GRID2: variants seen among roughly 807,000 people sequenced by gnomAD.
The protein encoded by GRID2 is glutamate receptor ionotropic, delta-2.
Under a neutral mutation model 114.8 loss-of-function variants are expected in GRID2, and 33 were observed. The ratio of observed to expected loss-of-function variants is 0.29; its 90% CI spans 0.22 to 0.38. The LOEUF (loss-of-function observed/expected upper bound fraction) is 0.38. Among genes scored for constraint, GRID2 ranks in the 10% least tolerant of loss-of-function variants. GRID2 has a pLI of 1.00. For synonymous variants in GRID2, 505 were observed against 449.9 expected (o/e 1.12, Z -1.55); for missense variants, 1,184 against 1,257.7 (o/e 0.94, Z 0.89).
chr4:92,598,312 G>A (rs6858435), intron 2 of GRID2, among the ~76,000 whole-genome samples: 6,576 of 152,122 alleles, frequency 0.043, 432 homozygotes, highest in African/African-American at 0.15. Context: ...CTGCCCTGTC[G>A]TCTTACATGG....
intron 14 of GRID2, among the ~76,000 whole-genome samples, chr4:93,736,861 C>CA (rs11437016): frequency 0.15 from 18,348 of 122,166 alleles, 1,290 homozygotes; most frequent in Middle Eastern, 0.21. Flanking sequence ...CAGACTTGCT[C>CA]AAAAAAAAAA....
intron 1 of GRID2, among the ~76,000 whole-genome samples, chr4:92,332,981 T>C (rs1384437897): frequency 6.6e-6 from 1 of 152,194 alleles, no homozygotes; most frequent in Non-Finnish European, 1.5e-5. Flanking sequence ...TCTACTTGGC[T>C]GGAATTGTAC....
chr4:92,998,780 T>C (rs1755359083), intron 2 of GRID2, among the ~76,000 whole-genome samples: 1 of 151,798 alleles, frequency 6.6e-6, no homozygotes, highest in South Asian at 2.1e-4. Flanking sequence ...AAGCTCACTT[T>C]TTAAAAATTT....
intron 2 of GRID2, among the ~76,000 whole-genome samples, chr4:92,831,416 T>C (rs942169248): frequency 6.6e-5 from 10 of 151,842 alleles, no homozygotes; most frequent in Admixed American, 6.6e-5. Context: ...AGCTAAATGA[T>C]TGGAGATCCA....
intron 2 of GRID2, among the ~76,000 whole-genome samples, chr4:92,840,544 G>A (rs906944651): frequency 6.6e-6 from 1 of 151,976 alleles, no homozygotes; most frequent in South Asian, 2.1e-4. Flanking sequence ...TTGAAACTCA[G>A]TTACTTACAT....
intron 13 of GRID2, among the ~76,000 whole-genome samples, chr4:93,580,434 A>G (rs13132595): frequency 0.2 from 30,505 of 151,834 alleles, 3,403 homozygotes; most frequent in Middle Eastern, 0.35. Context: ...TCGAGAAAGA[A>G]CTCCTGTGTT....
intron 2 of GRID2, among the ~76,000 whole-genome samples, chr4:93,049,136 G>C (rs950917773): frequency 1.3e-5 from 2 of 152,052 alleles, no homozygotes; most frequent in South Asian, 4.1e-4. Context: ...GCTCCACAAA[G>C]CATTATAGAA....
At chr4:93,293,461 T>C (rs985900251) in intron 8 of GRID2, among the ~76,000 whole-genome samples, 1 of 152,224 alleles carries the variant, frequency 6.6e-6, no homozygotes, top group African/African-American at 2.4e-5. Flanking sequence ...TTCTTTAGTC[T>C]TGAATATCTA....
At chr4:93,730,947 G>A (rs565453377) in intron 14 of GRID2, among the ~76,000 whole-genome samples, 5 of 152,308 alleles carry the variant, frequency 3.3e-5, no homozygotes, top group Non-Finnish European at 5.9e-5. Flanking sequence ...AAACTGTGCC[G>A]CGCTGGCTGC....
At chr4:93,038,088 G>A (rs950625806) in intron 2 of GRID2, among the ~76,000 whole-genome samples, 8 of 152,152 alleles carry the variant, frequency 5.3e-5, no homozygotes, top group Non-Finnish European at 1.0e-4. Flanking sequence ...TCCTATCCAT[G>A]AGCATGGAAT....
chr4:92,368,617 TTATAATCTAAG>T (rs1485852342), intron 1 of GRID2, among the ~76,000 whole-genome samples: 1 of 152,098 alleles, frequency 6.6e-6, no homozygotes, highest in Non-Finnish European at 1.5e-5. Flanking sequence ...CATGAAGAGT[TTATAATCTAAG>T]TATAATCCTA....
At chr4:92,854,002 T>TA (rs759655412) in intron 2 of GRID2, among the ~76,000 whole-genome samples, 219 of 139,818 alleles carry the variant, frequency 1.6e-3, no homozygotes, top group Middle Eastern at 7.2e-3. Context: ...AATTTGAAAT[T>TA]AAAAAAAAAA....
intron 11 of GRID2, among the ~76,000 whole-genome samples, chr4:93,459,405 T>C (rs183270359): frequency 2.4e-4 from 37 of 152,172 alleles, no homozygotes; most frequent in African/African-American, 8.9e-4. Context: ...GGTGAAGGAC[T>C]TCAAAGCTGA....
At chr4:93,730,341 T>TAAAA (rs1307051879) in intron 14 of GRID2, among the ~76,000 whole-genome samples, 1 of 152,342 alleles carries the variant, frequency 6.6e-6, no homozygotes, top group East Asian at 1.9e-4. Context: ...GAACTCAGAT[T>TAAAA]GTTTTAGTCA....
intron 1 of GRID2, among the ~76,000 whole-genome samples, chr4:92,317,578 G>C (rs536021923): frequency 6.6e-6 from 1 of 152,126 alleles, no homozygotes; most frequent in African/African-American, 2.4e-5. Flanking sequence ...CAATACTAAT[G>C]AGCAGTGAAA....
At chr4:93,094,976 T>C (rs1285262134) in intron 3 of GRID2, among the ~76,000 whole-genome samples, 1 of 151,900 alleles carries the variant, frequency 6.6e-6, no homozygotes, top group African/African-American at 2.4e-5. Context: ...ACCTTTAGAA[T>C]ATAACAAAAT....
intron 2 of GRID2, among the ~76,000 whole-genome samples, chr4:92,749,249 G>T (rs958402878): frequency 6.7e-6 from 1 of 148,390 alleles, no homozygotes; most frequent in Admixed American, 6.7e-5. Context: ...TGATCTGCCC[G>T]CCTCCCAAAG....
At chr4:92,931,638 A>G (rs1750245968) in intron 2 of GRID2, among the ~76,000 whole-genome samples, 1 of 151,014 alleles carries the variant, frequency 6.6e-6, no homozygotes, top group Non-Finnish European at 1.5e-5. Flanking sequence ...ACACACACAC[A>G]CACACAGCAT....
At chr4:92,646,888 C>CTTTTTTTTTTT (rs33921659) in intron 2 of GRID2, among the ~76,000 whole-genome samples, 4 of 56,094 alleles carry the variant, frequency 7.1e-5, no homozygotes, top group Admixed American at 1.9e-4. Flanking sequence ...TCTTTGAATT[C>CTTTTTTTTTTT]TTTTTTTTTT....
Sources: allele counts gnomAD v4.1 joint callset (sites outside exome capture counted in the v4.1 genomes callset), GRCh38; gene constraint gnomAD v4.1.1; transcripts MANE v1.5; gene names NCBI Gene and HGNC (gene_info 2026-07-23, HGNC 2026-07-21).